SPIDR: variants seen among roughly 807,000 people sequenced by gnomAD.
SPIDR encodes scaffold protein involved in DNA repair.
SPIDR carries 93 observed loss-of-function variants against 104.6 expected under a neutral mutation model. That is an observed-to-expected ratio of 0.89 (90% CI 0.75 to 1.06). The LOEUF is 1.06. Ranked by LOEUF, SPIDR falls within the 50% of genes least tolerant of loss-of-function variation. The probability of loss-of-function intolerance (pLI) is 0.00; values close to 1 mark genes in which losing one functional copy is unlikely to be tolerated. For synonymous variants in SPIDR, 431 were observed against 416.9 expected (o/e 1.03, Z -0.41); for missense variants, 1,154 against 1,111.2 (o/e 1.04, Z -0.55).
At chr8:47,611,433 T>C (rs2154431076) in intron 10 of SPIDR, among the ~76,000 whole-genome samples, 1 of 152,280 alleles carries the variant, frequency 6.6e-6, no homozygotes, top group African/African-American at 2.4e-5. Flanking sequence ...GCCCGGTGTC[T>C]CACGCCTGTA....
intron 8 of SPIDR, among the ~76,000 whole-genome samples, chr8:47,474,670 AC>A (rs1260232546): frequency 6.6e-6 from 1 of 152,270 alleles, no homozygotes; most frequent in Non-Finnish European, 1.5e-5. Context: ...TTCTGTGTCA[AC>A]AAAAAAGATA....
intron 8 of SPIDR, among the ~76,000 whole-genome samples, chr8:47,490,534 GAC>G (rs1302039924): frequency 6.6e-6 from 1 of 152,184 alleles, no homozygotes; most frequent in Non-Finnish European, 1.5e-5. Context: ...CTGCTGTAAA[GAC>G]ACATGCACAT....
At chr8:47,562,945 C>T (rs1377042013) in intron 8 of SPIDR, among the ~76,000 whole-genome samples, 1 of 151,794 alleles carries the variant, frequency 6.6e-6, no homozygotes, top group Admixed American at 6.6e-5. Context: ...TTTCTTAACT[C>T]TGTTTTGATG....
intron 7 of SPIDR, among the ~76,000 whole-genome samples, chr8:47,427,735 A>G (rs1297417175): frequency 1.3e-5 from 2 of 152,104 alleles, no homozygotes; most frequent in African/African-American, 2.4e-5. Context: ...AGTGCAGCCC[A>G]CAGAGTGGGG....
At chr8:47,346,420 A>G (rs1488419279) in intron 5 of SPIDR, among the ~76,000 whole-genome samples, 4 of 152,170 alleles carry the variant, frequency 2.6e-5, no homozygotes, top group African/African-American at 7.2e-5. Flanking sequence ...ATGTTGGTCT[A>G]AAACTCTCTT....
At chr8:47,345,927 C>T (rs1464492950) in intron 5 of SPIDR, among the ~76,000 whole-genome samples, 1 of 152,164 alleles carries the variant, frequency 6.6e-6, no homozygotes, top group African/African-American at 2.4e-5. Flanking sequence ...AGTTTGACTT[C>T]CTCTTTTCCT....
chr8:47,389,529 A>G (rs1483492776), intron 5 of SPIDR, among the ~76,000 whole-genome samples: 1 of 151,878 alleles, frequency 6.6e-6, no homozygotes, highest in Non-Finnish European at 1.5e-5. Context: ...CTGTACTAAA[A>G]ATACAAAAAA....
At chr8:47,677,035 T>C (rs541111235) in intron 11 of SPIDR, among the ~76,000 whole-genome samples, 1 of 152,366 alleles carries the variant, frequency 6.6e-6, no homozygotes, top group East Asian at 1.9e-4. Flanking sequence ...GTTTAAAAAC[T>C]GTACAGTTTT....
At chr8:47,462,042 G>C (rs2074026931) in intron 8 of SPIDR, among the ~76,000 whole-genome samples, 1 of 151,976 alleles carries the variant, frequency 6.6e-6, no homozygotes, top group African/African-American at 2.4e-5. Flanking sequence ...CTTTGCGTAG[G>C]CTATGTCAGA....
chr8:47,491,166 A>G (rs1023228666), intron 8 of SPIDR, among the ~76,000 whole-genome samples: 1 of 152,188 alleles, frequency 6.6e-6, no homozygotes, highest in East Asian at 1.9e-4. Flanking sequence ...AAACAGTATT[A>G]TAATCATAAA....
chr8:47,606,475 G>A (rs1249552384), intron 10 of SPIDR, among the ~76,000 whole-genome samples: 4 of 151,950 alleles, frequency 2.6e-5, no homozygotes, highest in South Asian at 2.1e-4. Context: ...GCAGTGAGCC[G>A]AGATCGCACC....
At chr8:47,698,381 C>T (rs114400286) in intron 11 of SPIDR, among the ~76,000 whole-genome samples, 1,746 of 152,230 alleles carry the variant, frequency 0.011, 34 homozygotes, top group African/African-American at 0.04. Flanking sequence ...CCAGCAGAGG[C>T]GGGAGTCATT....
intron 8 of SPIDR, among the ~76,000 whole-genome samples, chr8:47,461,267 C>G (rs2073886756): frequency 6.6e-6 from 1 of 152,192 alleles, no homozygotes; most frequent in East Asian, 1.9e-4. Context: ...TTTTCTTCTT[C>G]CTCAGGAACA....
chr8:47,472,218 C>T (rs2075803386), intron 8 of SPIDR, among the ~76,000 whole-genome samples: 1 of 152,232 alleles, frequency 6.6e-6, no homozygotes. Flanking sequence ...GCAGACGTCC[C>T]TGTGCTAGTC....
intron 19 of SPIDR, 82 bp downstream of exon 19, chr8:47,729,547 C>T: frequency 1.4e-6 from 2 of 1,481,426 alleles, no homozygotes; most frequent in Non-Finnish European, 1.8e-6. Context: ...AGCCCCCACT[C>T]CCAAATGTGT....
intron 19 of SPIDR, chr8:47,732,257 T>TTA: frequency 2.9e-6 from 2 of 700,344 alleles, no homozygotes; most frequent in Non-Finnish European, 5.2e-6. Context: ...AAAGCCCTGC[T>TTA]TATAAAGAGC....
chr8:47,458,848 G>A (rs2073460590), intron 8 of SPIDR, among the ~76,000 whole-genome samples: 1 of 151,878 alleles, frequency 6.6e-6, no homozygotes, highest in African/African-American at 2.4e-5. Context: ...CAGATTTTGA[G>A]GGATGCCAGC....
At chr8:47,567,455 T>C (rs1475433014) in intron 8 of SPIDR, among the ~76,000 whole-genome samples, 1 of 151,912 alleles carries the variant, frequency 6.6e-6, no homozygotes, top group East Asian at 1.9e-4. Flanking sequence ...CCGACCTCAG[T>C]TGACCCACCT....
chr8:47,631,904 A>G (rs1034633237), intron 10 of SPIDR, among the ~76,000 whole-genome samples: 2 of 152,222 alleles, frequency 1.3e-5, no homozygotes, highest in African/African-American at 2.4e-5. Flanking sequence ...GATGATAACT[A>G]TGAGCATTTA....
Sources: allele counts gnomAD v4.1 joint callset (sites outside exome capture counted in the v4.1 genomes callset), GRCh38; gene constraint gnomAD v4.1.1; transcripts MANE v1.5; gene names NCBI Gene and HGNC (gene_info 2026-07-23, HGNC 2026-07-21).